The following AGTPBP1 variants were observed in gnomAD, a reference collection of about 807,000 sequenced individuals.
AGTPBP1 encodes the protein cytosolic carboxypeptidase 1.
A neutral mutation model predicts 143.9 loss-of-function variants in AGTPBP1; 70 were observed. The observed-to-expected ratio is 0.49, with a 90% CI of 0.40 to 0.59. The LOEUF is 0.59. AGTPBP1 is among the 20% of genes least tolerant of loss of function. The probability of loss-of-function intolerance (pLI) is 0.00; values close to 1 mark genes in which losing one functional copy is unlikely to be tolerated. For missense variants in AGTPBP1, 1,229 were observed against 1,464.5 expected (o/e 0.84, Z 2.62); for synonymous variants, 463 against 500.2 (o/e 0.93, Z 0.99).
the AGTPBP1 span, among the ~76,000 whole-genome samples, chr9:85,795,856 GTTTTTTTTTTTTTTT>G: frequency 1.4e-5 from 1 of 70,670 alleles, no homozygotes; most frequent in African/African-American, 5.5e-5. Context: ...CTTCTTCTTA[GTTTTTTTTTTTTTTT>G]TTTTTTTTTG....
the AGTPBP1 span, among the ~76,000 whole-genome samples, chr9:85,779,176 TATATAGATATAGATATAGATATAGA>T: frequency 1.9e-4 from 26 of 133,726 alleles, no homozygotes; most frequent in African/African-American, 7.0e-4. Flanking sequence ...TAATAGGAGA[TATATAGATATAGATATAGATATAGA>T]TATAGATATA....
In AGTPBP1 at chr9:85,575,400, G is replaced by C; in HGVS notation, c.3418C>G (p.Leu1140Val). The change falls in exon 25 of 26, where the codon CTG (leucine) becomes GTG (valine). Residue 1140 changes from leucine (L) to valine (V), a missense_variant. Physicochemically the swap from Leu to Val is conservative, Grantham distance 32. Around this residue, in one of 2 missense-constraint regions of AGTPBP1, gnomAD observed 486 missense variants for 652.3 expected, o/e 0.75. Coordinates refer to ENST00000357081, the MANE Select transcript of AGTPBP1 (RefSeq NM_001330701.2). ...FCVGLLRLKR[L>V]TSPLEYNLPS... The stretch of plus-strand genomic sequence containing the variant: ...AGATTATACTCCAATGGAGAGGTCA[G>C]TCTTTTCAAACGTAAAAGACCAACA... The C allele has an allele frequency of 6.2e-7, 1 of 1,611,234 alleles. No homozygotes were observed. The highest frequency in any genetic ancestry group is 8.5e-7 in the Non-Finnish European group (1 of 1,179,272).
chr9:85,557,352 G>A (rs377265994), intron 25 of AGTPBP1, among the ~76,000 whole-genome samples: 17 of 152,226 alleles, frequency 1.1e-4, no homozygotes, highest in Middle Eastern at 3.4e-3. Flanking sequence ...CTCTCTATTT[G>A]TGGGTACAAC....
At chr9:85,804,893 T>C in the AGTPBP1 span, among the ~76,000 whole-genome samples, 2 of 152,300 alleles carry the variant, frequency 1.3e-5, no homozygotes, top group East Asian at 3.9e-4. Flanking sequence ...GAACCCCAAG[T>C]TGCAGGGAAC....
chr9:85,638,729 A>G (rs111425575), intron 13 of AGTPBP1, among the ~76,000 whole-genome samples: 13 of 152,126 alleles, frequency 8.5e-5, no homozygotes, highest in African/African-American at 2.9e-4. Context: ...GTCCAACTCA[A>G]AAAGGAAGAA....
At chr9:85,569,853 C>T (rs953141818) in intron 25 of AGTPBP1, among the ~76,000 whole-genome samples, 3 of 152,152 alleles carry the variant, frequency 2.0e-5, no homozygotes, top group Non-Finnish European at 4.4e-5. Flanking sequence ...TTTATCATTC[C>T]ATACTTAAAG....
Position 85,741,943 on chromosome 9 carries a change from G to T in AGTPBP1, c.-202C>A, listed in dbSNP as rs773201338. On this transcript the variant is annotated 5_prime_UTR_variant, in exon 1 of 26. Coordinates refer to ENST00000357081, the MANE Select transcript of AGTPBP1 (RefSeq NM_001330701.2). Reference sequence around the variant, plus strand: ...GGCAGCTGCGGCGGCGGCGCTGGAGGCGGCGGAACCTGTCCGCATCCCGGG... The same window carrying T: ...GGCAGCTGCGGCGGCGGCGCTGGAGTCGGCGGAACCTGTCCGCATCCCGGG... The T allele has an allele frequency of 1.5e-6, 2 of 1,305,604 alleles. No individual in the cohort carries two copies. Among genetic ancestry groups the T allele is most frequent in the Non-Finnish European group, 1.9e-6 (2 of 1,031,808 alleles). The allele number at this position is 1,305,604 out of a possible 1,614,324, so 80.9% of individuals were successfully genotyped here.
chr9:85,590,150 G>C (rs563747908), intron 19 of AGTPBP1, among the ~76,000 whole-genome samples: 2 of 152,122 alleles, frequency 1.3e-5, no homozygotes, highest in African/African-American at 4.8e-5. Context: ...TTATTTTCCT[G>C]ATTTCAAGAT....
At chr9:85,741,258 C>G (rs1824243369) in intron 1 of AGTPBP1, 2 of 985,448 alleles carry the variant, frequency 2.0e-6, no homozygotes, top group South Asian at 4.7e-5. Context: ...TCGCCGATGT[C>G]ACAGCAAATC....
chr9:85,685,379 T>A (rs887274336), intron 3 of AGTPBP1, among the ~76,000 whole-genome samples: 6 of 151,370 alleles, frequency 4.0e-5, no homozygotes, highest in Non-Finnish European at 5.9e-5. Context: ...TAGAAAAAAA[T>A]CACACATAAC....
At chr9:85,739,774 G>A (rs1824110932) in intron 1 of AGTPBP1, among the ~76,000 whole-genome samples, 1 of 150,358 alleles carries the variant, frequency 6.7e-6, no homozygotes, top group African/African-American at 2.4e-5. Flanking sequence ...TGCACCTTAA[G>A]AAGCTGAGGC....
intron 25 of AGTPBP1, among the ~76,000 whole-genome samples, chr9:85,569,614 A>C (rs1052111212): frequency 2.0e-5 from 3 of 152,126 alleles, no homozygotes; most frequent in Non-Finnish European, 4.4e-5. Flanking sequence ...GAAAAACAAA[A>C]CAATAACAAC....
intron 17 of AGTPBP1, among the ~76,000 whole-genome samples, chr9:85,613,734 A>T (rs1412036895): frequency 1.3e-5 from 2 of 152,098 alleles, no homozygotes; most frequent in East Asian, 3.8e-4. Context: ...TGCAAAAATA[A>T]AAGCCTTTAC....
chr9:85,724,953 T>C (rs1838376426), intron 1 of AGTPBP1, among the ~76,000 whole-genome samples: 1 of 152,242 alleles, frequency 6.6e-6, no homozygotes, highest in African/African-American at 2.4e-5. Flanking sequence ...ATATGGCAGA[T>C]ACGGTATAAT....
At chr9:85,582,873 A>C (rs1428135755) in intron 23 of AGTPBP1, among the ~76,000 whole-genome samples, 1 of 152,164 alleles carries the variant, frequency 6.6e-6, no homozygotes, top group Non-Finnish European at 1.5e-5. Flanking sequence ...ACCATCAAAA[A>C]TGTCTTAATC....
the AGTPBP1 span, among the ~76,000 whole-genome samples, chr9:85,786,755 G>A: frequency 6.6e-6 from 1 of 151,960 alleles, no homozygotes; most frequent in East Asian, 1.9e-4. Context: ...TATATTCGGG[G>A]AGTTTTAGTT....
At chr9:85,578,555 T>TA (rs906234090) in intron 24 of AGTPBP1, among the ~76,000 whole-genome samples, 2 of 152,128 alleles carry the variant, frequency 1.3e-5, no homozygotes, top group Admixed American at 6.5e-5. Context: ...ATTTTAAATG[T>TA]AAAAAAATTT....
At chr9:85,747,317 A>G in the AGTPBP1 span, among the ~76,000 whole-genome samples, 1 of 152,082 alleles carries the variant, frequency 6.6e-6, no homozygotes, top group Admixed American at 6.5e-5. Flanking sequence ...AAGTTCTCCC[A>G]CCTTGCTCTT....
At chr9:85,705,146 G>A (rs1836901145) in intron 2 of AGTPBP1, among the ~76,000 whole-genome samples, 1 of 150,578 alleles carries the variant, frequency 6.6e-6, no homozygotes, top group Non-Finnish European at 1.5e-5. Context: ...ATAAAATTAT[G>A]ACCAAAATTT....
Sources: allele counts gnomAD v4.1 joint callset (sites outside exome capture counted in the v4.1 genomes callset), GRCh38; gene constraint gnomAD v4.1.1; regional missense constraint gnomAD v4.1.1; transcripts MANE v1.5; gene names NCBI Gene and HGNC (gene_info 2026-07-23, HGNC 2026-07-21).